Variants in TRARG1 observed in about 807,000 individuals in gnomAD.
TRARG1 encodes trafficking regulator of GLUT4 (SLC2A4) 1 (gene/pseudogene).
TRARG1 carries 16 observed loss-of-function variants against 13.3 expected under a neutral mutation model. The ratio of observed to expected loss-of-function variants is 1.20; its 90% CI spans 0.81 to 1.83. TRARG1 has a LOEUF of 1.83. Ranked by LOEUF, TRARG1 falls within the 40% of genes most tolerant of loss-of-function variation. TRARG1 has a pLI of 0.00. For missense variants in TRARG1, 250 were observed against 237.4 expected, an observed-to-expected ratio of 1.05 and a Z score of -0.35; for synonymous variants, 113 against 106.2, an observed-to-expected ratio of 1.06 and a Z score of -0.39.
chr17:1,287,690 T>C (rs2072034249), intron 1 of TRARG1, among the ~76,000 whole-genome samples: 1 of 151,216 alleles, frequency 6.6e-6, no homozygotes, highest in African/African-American at 2.4e-5. Flanking sequence ...TCTCGCTCTG[T>C]CACCCAGGCT....
intron 1 of TRARG1, among the ~76,000 whole-genome samples, chr17:1,289,989 C>T (rs2072058836): frequency 6.6e-6 from 1 of 152,132 alleles, no homozygotes; most frequent in Admixed American, 6.5e-5. Flanking sequence ...AATCATGTTC[C>T]TCCCAGCACC....
At chr17:1,292,591 C>A (rs1032932907) in intron 1 of TRARG1, among the ~76,000 whole-genome samples, 3 of 152,224 alleles carry the variant, frequency 2.0e-5, no homozygotes, top group Admixed American at 6.5e-5. Context: ...TTTTGAACAT[C>A]TACACATTTG....
chr17:1,296,542 C>T (rs1282593107), intron 2 of TRARG1, among the ~76,000 whole-genome samples: 3 of 135,606 alleles, frequency 2.2e-5, no homozygotes, highest in Non-Finnish European at 4.8e-5. Context: ...GATGGAGTCT[C>T]ATTCTGTTGC....
intron 1 of TRARG1, among the ~76,000 whole-genome samples, chr17:1,288,380 T>TTCCCCATCCCCCAC (rs1567930603): frequency 9.4e-5 from 3 of 31,992 alleles, no homozygotes; most frequent in South Asian, 1.2e-3. Flanking sequence ...CCATCCCCCA[T>TTCCCCATCCCCCAC]GGGCTCCTCA....
intron 1 of TRARG1, among the ~76,000 whole-genome samples, chr17:1,288,238 GC>G (rs2072037668): frequency 7.1e-6 from 1 of 141,172 alleles, no homozygotes; most frequent in African/African-American, 2.7e-5. Flanking sequence ...TCCCCCACCA[GC>G]TCCCCATCCC....
At chr17:1,291,107 T>C (rs915078322) in intron 1 of TRARG1, among the ~76,000 whole-genome samples, 1 of 152,030 alleles carries the variant, frequency 6.6e-6, no homozygotes, top group Non-Finnish European at 1.5e-5. Context: ...GGTTTCACCA[T>C]GTTGGTCAGG....
At chr17:1,283,786 G>A (rs2072000050) in intron 1 of TRARG1, among the ~76,000 whole-genome samples, 1 of 147,156 alleles carries the variant, frequency 6.8e-6, no homozygotes, top group Non-Finnish European at 1.5e-5. Flanking sequence ...TCCAGCCTGA[G>A]TAACAGAGTG....
Position 1,280,334 on chromosome 17 carries a change from C to G in TRARG1, c.333C>G (p.Ala111=). 6.2e-7 allele frequency: 1 copy of G among 1,613,416 alleles called. No homozygotes were observed. Among genetic ancestry groups the G allele is most frequent in the Non-Finnish European group, 8.5e-7 (1 of 1,179,778 alleles). ...ATTACCTCATCCTGGCCGTCGTCGC[C>G]TGCTTCTGCCCCGTCTGGCCCCTCA... ...PRDYLILAVV[A]CFCPVWPLNL... The change falls in exon 1 of 3, where the codon GCC becomes GCG. Residue 111 remains alanine (A), a synonymous_variant. Coordinates refer to ENST00000333813, the MANE Select transcript of TRARG1 (RefSeq NM_172367.3).
chr17:1,280,244 C>A lies in TRARG1; in HGVS notation c.243C>A (p.Ala81=), dbSNP rs1280869368. The A allele has an allele frequency of 2.5e-6, 4 of 1,614,088 alleles. No individual in the cohort carries two copies. Among genetic ancestry groups the A allele is most frequent in the Non-Finnish European group, 3.4e-6 (4 of 1,180,008 alleles). Residue 81 remains alanine, a synonymous_variant, in exon 1 of 3, where the codon GCC becomes GCA. Transcript: ENST00000333813. ...CACTGCCTCGGTCCCCCTCCCGGGC[C>A]AGCTCAAGGAGGGCGTCCTCCATCG... ...EAPLPRSPSR[A]SSRRASSIAT...
intron 1 of TRARG1, among the ~76,000 whole-genome samples, chr17:1,282,536 A>G (rs918864634): frequency 2.6e-5 from 4 of 151,066 alleles, no homozygotes; most frequent in Non-Finnish European, 5.9e-5. Context: ...ACACCTGGCT[A>G]ATTTTTGTAT....
At position 1,295,461 on chromosome 17, in the gene TRARG1, TC is replaced by T. The variant is rs762861639; in HGVS notation, c.388-27del. On this transcript the variant is annotated intron_variant, in intron 1 of 2. Transcript: ENST00000333813. Reference sequence around the variant, plus strand: ...GAAGCTGACCCACAGCCTTCCCGGTTCCCGGGGTCTCTCTGTGCTCTCTCCG... The same window carrying T: ...GAAGCTGACCCACAGCCTTCCCGGTTCCGGGGTCTCTCTGTGCTCTCTCCG... 5.1e-6 allele frequency: 8 copies of T among 1,563,084 alleles called. No individual in the cohort carries two copies. In the South Asian group the frequency reaches 5.9e-5, roughly 12 times the overall value.
intron 1 of TRARG1, among the ~76,000 whole-genome samples, chr17:1,282,323 CAT>C (rs1228060340): frequency 8.3e-6 from 1 of 120,732 alleles, no homozygotes; most frequent in Non-Finnish European, 1.9e-5. Flanking sequence ...TATATATGTA[CAT>C]ATATGTACGT....
At chr17:1,289,875 G>T (rs2072058059) in intron 1 of TRARG1, among the ~76,000 whole-genome samples, 1 of 152,086 alleles carries the variant, frequency 6.6e-6, no homozygotes, top group Admixed American at 6.6e-5. Context: ...AGTCCCAGCT[G>T]GAGGAAGGGC....
chr17:1,290,196 C>G (rs2072060124), intron 1 of TRARG1, among the ~76,000 whole-genome samples: 1 of 152,232 alleles, frequency 6.6e-6, no homozygotes, highest in South Asian at 2.1e-4. Context: ...AGAGAACATT[C>G]CTAAAATGCA....
In TRARG1 at chr17:1,284,102, A is replaced by G. The variant is rs554084815; in HGVS notation, c.387+3714A>G. ...TGCACTCCAGCCTGGGCGACAGAGC[A>G]AGATTCTGTCTCAAAAAAAAAAAGA... On this transcript the variant is annotated intron_variant, in intron 1 of 2. Coordinates refer to ENST00000333813, the MANE Select transcript of TRARG1 (RefSeq NM_172367.3). Among the ~76,000 whole-genome samples, 48 of 150,880 alleles carry G rather than the reference A, an allele frequency of 3.2e-4. 2 individuals are homozygous for G. In the South Asian group the frequency reaches 9.2e-3, roughly 29 times the overall value.
chr17:1,286,033 A>G (rs11658455), intron 1 of TRARG1, among the ~76,000 whole-genome samples: 25,415 of 152,154 alleles, frequency 0.17, 2,270 homozygotes, highest in Admixed American at 0.24. Flanking sequence ...CCTTGGCAAA[A>G]TGGGAGGGAT....
intron 1 of TRARG1, among the ~76,000 whole-genome samples, chr17:1,293,060 G>A (rs979857528): frequency 1.3e-5 from 2 of 152,052 alleles, no homozygotes; most frequent in African/African-American, 4.8e-5. Context: ...GGCCAATGTG[G>A]GCAGATCATG....
chr17:1,285,165 C>T (rs191772090), intron 1 of TRARG1, among the ~76,000 whole-genome samples: 401 of 152,044 alleles, frequency 2.6e-3, no homozygotes, highest in African/African-American at 9.2e-3. Flanking sequence ...GTAATCCCAG[C>T]GCTTTGGGAG....
intron 1 of TRARG1, among the ~76,000 whole-genome samples, chr17:1,292,477 T>TGGCCTAGCCCTGCCCACCTCTG (rs1320401818): frequency 6.6e-6 from 1 of 152,188 alleles, no homozygotes; most frequent in East Asian, 1.9e-4. Flanking sequence ...GAGCCCTGCC[T>TGGCCTAGCCCTGCCCACCTCTG]GGCCTAGCCC....
Sources: gnomAD v4.1 joint callset for allele counts (sites outside exome capture counted in the v4.1 genomes callset) on GRCh38, gnomAD v4.1.1 for gene constraint, MANE v1.5 for transcripts, NCBI Gene and HGNC (gene_info 2026-07-23, HGNC 2026-07-21) for gene names.